The following STARD3NL variants were observed in gnomAD, a reference collection of about 807,000 sequenced individuals.
STARD3NL encodes STARD3 N-terminal-like protein.
A neutral mutation model predicts 30.9 loss-of-function variants in STARD3NL; 17 were observed. That is an observed-to-expected ratio of 0.55 (90% CI 0.38 to 0.82). STARD3NL has a LOEUF of 0.82. STARD3NL is among the 40% of genes least tolerant of loss of function. The pLI, the probability that STARD3NL is intolerant of heterozygous loss-of-function variation, is 0.00. For synonymous variants in STARD3NL, 112 were observed against 100.5 expected, an observed-to-expected ratio of 1.11 and a Z score of -0.69; for missense variants, 234 against 277.6, an observed-to-expected ratio of 0.84 and a Z score of 1.12.
At chr7:38,198,679 TG>T (rs1785036217) in intron 1 of STARD3NL, among the ~76,000 whole-genome samples, 1 of 152,224 alleles carries the variant, frequency 6.6e-6, no homozygotes, top group Non-Finnish European at 1.5e-5. Flanking sequence ...TTGAGAGACT[TG>T]GCTTGGCTGT....
chr7:38,218,224 G>GA (rs557470372), intron 6 of STARD3NL, among the ~76,000 whole-genome samples: 18 of 149,716 alleles, frequency 1.2e-4, no homozygotes, highest in South Asian at 2.1e-4. Flanking sequence ...TGCCTCATAG[G>GA]AAAAAAAAAG....
chr7:38,184,242 G>A (rs1784361844), intron 1 of STARD3NL, among the ~76,000 whole-genome samples: 1 of 152,162 alleles, frequency 6.6e-6, no homozygotes, highest in Non-Finnish European at 1.5e-5. Flanking sequence ...TGATAGTTTG[G>A]TGGTTCAAGG....
chr7:38,201,332 T>A (rs1785166303), intron 1 of STARD3NL, among the ~76,000 whole-genome samples: 1 of 152,240 alleles, frequency 6.6e-6, no homozygotes. Context: ...GCCATGTATT[T>A]CCATTGTGTA....
chr7:38,208,540 C>A (rs572107097), intron 2 of STARD3NL, among the ~76,000 whole-genome samples: 1 of 152,200 alleles, frequency 6.6e-6, no homozygotes, highest in African/African-American at 2.4e-5. Context: ...GTTTTCTTCC[C>A]AAAGCCTTTG....
chr7:38,205,024 T>C (rs191378627), intron 1 of STARD3NL, among the ~76,000 whole-genome samples: 1 of 152,108 alleles, frequency 6.6e-6, no homozygotes, highest in Non-Finnish European at 1.5e-5. Context: ...AGTCCAGGAC[T>C]AGACGGATTC....
rs537671948 is a variant in STARD3NL, at chr7:38,189,176, G to A, written c.-59+10756G>A. 2.0e-5 allele frequency among the ~76,000 whole-genome samples: 3 copies of A among 152,214 alleles called. No individual in the cohort carries two copies. In the South Asian group the frequency reaches 6.2e-4, roughly 32 times the overall value. ...GGCAGAACACAAAGCATTCAAGAGT[G>A]AGAAGATTTATTAAGATGGAATGAA... On this transcript the variant is annotated intron_variant, in intron 1 of 8. Transcript: ENST00000009041.
intron 1 of STARD3NL, among the ~76,000 whole-genome samples, chr7:38,194,798 C>T (rs1429913473): frequency 6.6e-6 from 1 of 151,978 alleles, no homozygotes; most frequent in East Asian, 1.9e-4. Flanking sequence ...TGGCTTACCT[C>T]CTCAACATAG....
At chr7:38,204,124 A>G (rs1785324639) in intron 1 of STARD3NL, among the ~76,000 whole-genome samples, 1 of 152,246 alleles carries the variant, frequency 6.6e-6, no homozygotes, top group Admixed American at 6.5e-5. Context: ...TCAGCTCTGC[A>G]CCAAGCAAAC....
chr7:38,182,603 T>C (rs920724402), intron 1 of STARD3NL, among the ~76,000 whole-genome samples: 7 of 152,176 alleles, frequency 4.6e-5, no homozygotes, highest in Admixed American at 2.0e-4. Context: ...GATGTATCAG[T>C]ACAGCTCAGG....
intron 7 of STARD3NL, among the ~76,000 whole-genome samples, chr7:38,224,629 A>G (rs1323802408): frequency 6.6e-6 from 1 of 152,200 alleles, no homozygotes; most frequent in African/African-American, 2.4e-5. Context: ...TCCACACTGT[A>G]TGCACTGCCC....
chr7:38,210,603 T>G (rs2116278971), intron 2 of STARD3NL, among the ~76,000 whole-genome samples: 1 of 152,326 alleles, frequency 6.6e-6, no homozygotes, highest in Non-Finnish European at 1.5e-5. Flanking sequence ...GGCCTCTTGG[T>G]CCACCTTTGA....
intron 1 of STARD3NL, among the ~76,000 whole-genome samples, chr7:38,190,088 G>A (rs997891449): frequency 2.6e-5 from 4 of 152,082 alleles, no homozygotes; most frequent in African/African-American, 9.7e-5. Context: ...GCCCCCCCAG[G>A]GGATGCCTGA....
At chr7:38,218,281 G>A (rs1176007697) in intron 6 of STARD3NL, among the ~76,000 whole-genome samples, 1 of 152,130 alleles carries the variant, frequency 6.6e-6, no homozygotes, top group Non-Finnish European at 1.5e-5. Flanking sequence ...AAAACAGCAG[G>A]ATGCAAAATA....
chr7:38,207,567 T>C lies in STARD3NL; in HGVS notation c.63T>C (p.Ser21=), dbSNP rs1238704852. The part of the protein sequence containing the change: ...ALTGSQSSHA[S]LRNIHSINPT... ...CCGGGAGCCAGAGCTCCCATGCTTC[T>C]CTGCGCAATATCCATTCCATCAACC... Residue 21 remains serine (S), a synonymous_variant, in exon 2 of 9, where the codon TCT becomes TCC. Coordinates refer to ENST00000009041, the MANE Select transcript of STARD3NL (RefSeq NM_032016.4). 14 of 1,613,950 alleles carry C rather than the reference T, an allele frequency of 8.7e-6. No homozygotes were observed. The highest frequency in any genetic ancestry group is 2.7e-5 in the African/African-American group (2 of 74,920).
chr7:38,186,271 C>G (rs943059416), intron 1 of STARD3NL, among the ~76,000 whole-genome samples: 2 of 152,130 alleles, frequency 1.3e-5, no homozygotes, highest in African/African-American at 4.8e-5. Flanking sequence ...ATGGTAACTT[C>G]GCACTAGCCA....
At chr7:38,206,830 G>T (rs1785513019) in intron 1 of STARD3NL, among the ~76,000 whole-genome samples, 2 of 152,140 alleles carry the variant, frequency 1.3e-5, no homozygotes, top group Non-Finnish European at 2.9e-5. Flanking sequence ...GAGTCCAGTG[G>T]CATGATCATA....
At chr7:38,185,593 T>TAG in intron 1 of STARD3NL, among the ~76,000 whole-genome samples, 1 of 152,108 alleles carries the variant, frequency 6.6e-6, no homozygotes, top group African/African-American at 2.4e-5. Context: ...GGACAGTGAG[T>TAG]AGAAGATGGC....
intron 7 of STARD3NL, among the ~76,000 whole-genome samples, chr7:38,225,600 A>T (rs1465065905): frequency 2.2e-4 from 11 of 49,058 alleles, no homozygotes; most frequent in Non-Finnish European, 5.8e-4. Flanking sequence ...ACCTTTCCCC[A>T]TTGTACTGAT....
intron 7 of STARD3NL, among the ~76,000 whole-genome samples, chr7:38,221,847 G>C (rs1786482313): frequency 1.3e-5 from 2 of 152,164 alleles, no homozygotes; most frequent in African/African-American, 4.8e-5. Context: ...TTGTGCTCTA[G>C]GGCCCTCCAG....
Sources: gnomAD v4.1 joint callset for allele counts (sites outside exome capture counted in the v4.1 genomes callset) on GRCh38, gnomAD v4.1.1 for gene constraint, MANE v1.5 for transcripts, NCBI Gene and HGNC (gene_info 2026-07-23, HGNC 2026-07-21) for gene names.